The following SLF1 variants were observed in gnomAD, a reference collection of about 807,000 sequenced individuals.
SLF1 encodes SMC5-SMC6 complex localization factor protein 1.
SLF1 carries 105 observed loss-of-function variants against 123.0 expected under a neutral mutation model. The ratio of observed to expected loss-of-function variants is 0.85; its 90% CI spans 0.73 to 1.00. The LOEUF is 1.00. Among genes scored for constraint, SLF1 ranks in the 50% least tolerant of loss-of-function variants. The pLI is 0.00. For missense variants in SLF1, 1,239 were observed against 1,223.0 expected, an observed-to-expected ratio of 1.01 and a Z score of -0.20; for synonymous variants, 434 against 406.6, an observed-to-expected ratio of 1.07 and a Z score of -0.81.
At chr5:94,629,024 TA>T in intron 2 of SLF1, 67 bp from the exon 3 acceptor site, 1 of 1,421,556 alleles carries the variant, frequency 7.0e-7, no homozygotes, top group Non-Finnish European at 9.6e-7. Context: ...ATTGTAGCAA[TA>T]AAAAGGATGT....
chr5:94,632,689 A>G (rs1745337577), intron 4 of SLF1, among the ~76,000 whole-genome samples: 1 of 151,350 alleles, frequency 6.6e-6, no homozygotes, highest in African/African-American at 2.4e-5. Context: ...GTTGAATTAT[A>G]CTTGTTTGTT....
At chr5:94,643,718 G>T (rs1746697972) in intron 5 of SLF1, among the ~76,000 whole-genome samples, 1 of 152,056 alleles carries the variant, frequency 6.6e-6, no homozygotes, top group Non-Finnish European at 1.5e-5. Flanking sequence ...TATTGTATGA[G>T]AATTTGGGGG....
intron 10 of SLF1, among the ~76,000 whole-genome samples, chr5:94,663,468 A>T (rs995758935): frequency 1.1e-4 from 17 of 152,218 alleles, no homozygotes; most frequent in African/African-American, 4.1e-4. Flanking sequence ...ACATGGTGAA[A>T]CCCCGTCTCT....
rs369365485 is a variant in SLF1, at chr5:94,622,465, A to G, written c.-1+3700A>G. On this transcript the variant is annotated intron_variant, in intron 1 of 20. Transcript: ENST00000265140. Reference sequence around the variant, plus strand: ...CATGGAAAAATGATCACAATATAACATTACATAAAAATGAAGATATGAAAC... The same window carrying G: ...CATGGAAAAATGATCACAATATAACGTTACATAAAAATGAAGATATGAAAC... Among the ~76,000 whole-genome samples, 10 of 152,344 alleles carry G rather than the reference A, an allele frequency of 6.6e-5. No individual in the cohort carries two copies. The East Asian group carries it at 1.7e-3, about 26-fold the overall frequency.
intron 12 of SLF1, among the ~76,000 whole-genome samples, chr5:94,667,679 C>T (rs1172915989): frequency 1.3e-5 from 2 of 152,154 alleles, no homozygotes; most frequent in Non-Finnish European, 2.9e-5. Flanking sequence ...TGAATGTGTC[C>T]AATAGTTATT....
chr5:94,681,203 C>A (rs1010728873), intron 15 of SLF1, among the ~76,000 whole-genome samples: 1 of 152,080 alleles, frequency 6.6e-6, no homozygotes, highest in Non-Finnish European at 1.5e-5. Context: ...GATCTCGGCT[C>A]ACTGCAATCT....
intron 4 of SLF1, among the ~76,000 whole-genome samples, chr5:94,638,585 T>G (rs1023658104): frequency 1.3e-5 from 2 of 152,210 alleles, no homozygotes; most frequent in African/African-American, 4.8e-5. Context: ...ATCTCAGAAT[T>G]CTATAAAAGC....
intron 6 of SLF1, 116 bp from the exon 7 acceptor site, chr5:94,651,586 G>A (rs988965745): frequency 1.8e-5 from 13 of 713,874 alleles, no homozygotes; most frequent in Non-Finnish European, 6.4e-6. Context: ...AACCTTGTAT[G>A]TATATTTTAC....
chr5:94,628,489 A>G (rs749774569), intron 1 of SLF1, among the ~76,000 whole-genome samples: 2 of 152,236 alleles, frequency 1.3e-5, no homozygotes, highest in Non-Finnish European at 2.9e-5. Context: ...CAGTATTTGT[A>G]TAACATTCTA....
rs1388935959 is a variant in SLF1, at chr5:94,662,354, A to G, written c.1209+3A>G. The G allele has an allele frequency of 2.1e-5, 33 of 1,545,472 alleles. 1 individual carries two copies. The highest frequency in any genetic ancestry group is 2.9e-5 in the Non-Finnish European group (33 of 1,143,648). ...AACAACCAGTGTACAACGTAGAGGT[A>G]AGGGGCTTGGAGCAGCATTGGTGAT... On this transcript the variant is annotated splice_donor_region_variant and intron_variant, in intron 10 of 20. Transcript: ENST00000265140.
At chr5:94,663,664 T>C in intron 10 of SLF1, 86 bp from the exon 11 acceptor site, 1 of 1,127,936 alleles carries the variant, frequency 8.9e-7, no homozygotes, top group Non-Finnish European at 1.2e-6. Flanking sequence ...AATGAATAAA[T>C]AAATAATAAA....
intron 15 of SLF1, among the ~76,000 whole-genome samples, chr5:94,684,943 A>G (rs145629274): frequency 1.4e-4 from 22 of 152,298 alleles, no homozygotes; most frequent in African/African-American, 5.3e-4. Flanking sequence ...CTGGATAATT[A>G]TTTGTTGTTG....
intron 20 of SLF1, among the ~76,000 whole-genome samples, chr5:94,693,668 T>G (rs1753269972): frequency 6.6e-6 from 1 of 151,942 alleles, no homozygotes; most frequent in Non-Finnish European, 1.5e-5. Flanking sequence ...TGTGAGTCAC[T>G]CAGCCTCAAG....
chr5:94,664,101 T>G (rs1036483561), intron 11 of SLF1, among the ~76,000 whole-genome samples, 193 bp downstream of exon 11: 1 of 152,190 alleles, frequency 6.6e-6, no homozygotes, highest in African/African-American at 2.4e-5. Flanking sequence ...TCTTAGTGCT[T>G]TAGCTAATGA....
In SLF1 at chr5:94,686,606, G is replaced by T. The variant is rs755976997; in HGVS notation, c.2009G>T (p.Cys670Phe). ...FSSQELEIFI[C>F]SFSSSWLQMF... ...TCACAGGAATTAGAGATTTTCATTTGCTCCTTTTCCTCCTCCTGGCTTCAA... is the reference window on the plus strand; with the variant it reads ...TCACAGGAATTAGAGATTTTCATTTTCTCCTTTTCCTCCTCCTGGCTTCAA... The change falls in exon 16 of 21, where the codon TGC becomes TTC. Residue 670 changes from cysteine to phenylalanine, a missense_variant. By Grantham distance (205) the Cys-to-Phe change is radical (BLOSUM62 -2). Coordinates refer to ENST00000265140, the MANE Select transcript of SLF1 (RefSeq NM_032290.4). 2 of 1,613,770 alleles carry T rather than the reference G, an allele frequency of 1.2e-6. No homozygotes were observed. Among genetic ancestry groups the T allele is most frequent in the African/African-American group, 2.7e-5 (2 of 74,880 alleles).
chr5:94,663,929 T>A (rs1749433669), intron 11 of SLF1, 21 bp downstream of exon 11: 2 of 1,454,436 alleles, frequency 1.4e-6, no homozygotes, highest in Non-Finnish European at 1.8e-6. Flanking sequence ...CCTTAAGGAT[T>A]TATAATCTTT....
chr5:94,689,055 G>A (rs549496088), intron 17 of SLF1, among the ~76,000 whole-genome samples: 1 of 152,248 alleles, frequency 6.6e-6, no homozygotes, highest in Admixed American at 6.5e-5. Context: ...AGTATAAGGT[G>A]TATAAAAGTG....
At position 94,663,759 on chromosome 5, in the gene SLF1, G is replaced by A. The variant is rs1370306731; in HGVS notation, c.1219G>A (p.Ala407Thr). Residue 407 changes from alanine (A) to threonine (T), a missense_variant, in exon 11 of 21, where the codon GCT becomes ACT. Coordinates refer to ENST00000265140, the MANE Select transcript of SLF1 (RefSeq NM_032290.4). ...ATCTTTCCTTTCTTAGGTTAAAAAT[G>A]CTGAATTTCCCAGAGGTGTATTAAA... Reference protein sequence around the residue: ...QPVYNVEVKNAEFPRGVLNLI... With the variant: ...QPVYNVEVKNTEFPRGVLNLI... 3.9e-6 allele frequency: 6 copies of A among 1,526,600 alleles called. No homozygotes were observed. Among genetic ancestry groups the A allele is most frequent in the Non-Finnish European group, 5.3e-6 (6 of 1,138,162 alleles). 94.6% of individuals were successfully genotyped at this position (1,526,600 alleles called of 1,614,324 possible). A position where few individuals can be genotyped will look rare whatever the true frequency, so the allele number is the denominator to read the frequency against.
At chr5:94,658,169 T>G (rs575809885) in intron 9 of SLF1, among the ~76,000 whole-genome samples, 84 of 151,690 alleles carry the variant, frequency 5.5e-4, no homozygotes, top group African/African-American at 1.9e-3. Flanking sequence ...TTTGTTTTTT[T>G]TTTTTTAGTA....
Sources: allele counts gnomAD v4.1 joint callset (sites outside exome capture counted in the v4.1 genomes callset), GRCh38; gene constraint gnomAD v4.1.1; transcripts MANE v1.5; gene names NCBI Gene and HGNC (gene_info 2026-07-23, HGNC 2026-07-21).